ARHGAP40: variants seen among roughly 807,000 people sequenced by gnomAD.
ARHGAP40 encodes rho GTPase-activating protein 40.
Under a neutral mutation model 73.5 loss-of-function variants are expected in ARHGAP40, and 43 were observed. The ratio of observed to expected loss-of-function variants is 0.58; its 90% CI spans 0.46 to 0.75. ARHGAP40 has a LOEUF of 0.75. Ranked by LOEUF, ARHGAP40 falls within the 30% of genes least tolerant of loss-of-function variation. The probability of loss-of-function intolerance (pLI) is 0.00; values close to 1 mark genes in which losing one functional copy is unlikely to be tolerated. For missense variants in ARHGAP40, 734 were observed against 861.8 expected, an observed-to-expected ratio of 0.85 and a Z score of 1.86; for synonymous variants, 300 against 352.8, an observed-to-expected ratio of 0.85 and a Z score of 1.68.
chr20:38,607,688 C>T (rs1227977707), intron 1 of ARHGAP40, among the ~76,000 whole-genome samples: 1 of 152,222 alleles, frequency 6.6e-6, no homozygotes, highest in Non-Finnish European at 1.5e-5. Flanking sequence ...GCGTCACCGA[C>T]TCTTCCCAAA....
rs904847953 is a variant in ARHGAP40 at position 38,627,225 on chromosome 20, A to T, written c.558+10A>T. The T allele has an allele frequency of 7.7e-7, 1 of 1,304,674 alleles. No homozygotes were observed. The highest frequency in any genetic ancestry group is 1.0e-6 in the Non-Finnish European group (1 of 988,384). The allele number at this position is 1,304,674 out of a possible 1,614,324, so 80.8% of individuals were successfully genotyped here. ...GGTCTTCAATTCAGGGGTAAGTGGC[A>T]TATGGGTCATTGCAGGCCCCGTCTG... On this transcript the variant is annotated intron_variant, in intron 3 of 14. Transcript: ENST00000373345.
At chr20:38,649,628 G>A (rs1476451189) in intron 14 of ARHGAP40, 129 bp from the exon 15 acceptor site, 2 of 458,546 alleles carry the variant, frequency 4.4e-6, no homozygotes, top group African/African-American at 2.0e-5. Context: ...AAAAGAAGTA[G>A]CTGTGAGCTG....
In ARHGAP40 at chr20:38,646,222, G is replaced by A. The variant is rs1021533832; in HGVS notation, c.1710+35G>A. The A allele has an allele frequency of 4.7e-6, 6 of 1,268,802 alleles. No homozygotes were observed. Among genetic ancestry groups the A allele is most frequent in the Non-Finnish European group, 6.2e-6 (6 of 966,978 alleles). The allele number at this position is 1,268,802 out of a possible 1,614,324, so 78.6% of individuals were successfully genotyped here. A position where few individuals can be genotyped will look rare whatever the true frequency, so the allele number is the denominator to read the frequency against. On this transcript the variant is annotated intron_variant, in intron 12 of 14. Coordinates refer to ENST00000373345, the Ensembl canonical transcript of ARHGAP40. This position sits in a 1 kb window ranked among gnomAD's most constrained non-coding sequence, Gnocchi z 4.5. Reference sequence around the variant, plus strand: ...CCCGACCCCAGACAGGTGGAGAAGGGCCGAGGCGACAGGAGGGCACCTGGG... The same window carrying A: ...CCCGACCCCAGACAGGTGGAGAAGGACCGAGGCGACAGGAGGGCACCTGGG...
At chr20:38,629,618 G>T (rs1056772309) in exon 5 of ARHGAP40, 11 of 1,305,324 alleles carry the variant, frequency 8.4e-6, no homozygotes, top group Non-Finnish European at 9.1e-6. Flanking sequence ...ATCCCGGGGA[G>T]GCACCTCTGC....
At chr20:38,635,540 C>G (rs34265955) in intron 6 of ARHGAP40, among the ~76,000 whole-genome samples, 36,661 of 151,840 alleles carry the variant, frequency 0.24, 4,700 homozygotes, top group Non-Finnish European at 0.29. Context: ...GTGCACACCT[C>G]TAGTCCCACC....
At chr20:38,618,298 C>T (rs1310138101) in intron 1 of ARHGAP40, among the ~76,000 whole-genome samples, 7 of 151,998 alleles carry the variant, frequency 4.6e-5, no homozygotes, top group South Asian at 2.1e-4. Context: ...ACAAAAGAGA[C>T]GGGGTTCACC....
At chr20:38,647,433 C>G (rs1346295646) in intron 13 of ARHGAP40, among the ~76,000 whole-genome samples, 1 of 152,174 alleles carries the variant, frequency 6.6e-6, no homozygotes, top group Non-Finnish European at 1.5e-5. Context: ...CTCTGTCACC[C>G]AGGCTGGAGT....
chr20:38,646,990 C>T lies in ARHGAP40; in HGVS notation c.1744C>T (p.Pro582Ser), dbSNP rs573275827. ...GGTGGCAAAGATCCAGGTGGTCTGG[C>T]CTATCAAGGACCCCTTGAAGGTGCC... is the stretch of plus-strand genomic sequence containing the variant. Residue 582 changes from proline (P) to serine (S), a missense_variant, in exon 13 of 15, where the codon CCT becomes TCT. Physicochemically the swap from Pro to Ser is moderately conservative, Grantham distance 74. Coordinates refer to ENST00000373345, the Ensembl canonical transcript of ARHGAP40. This position sits in a 1 kb window ranked among gnomAD's most constrained non-coding sequence, Gnocchi z 4.5. 1 of 1,305,410 alleles carries T rather than the reference C, an allele frequency of 7.7e-7. No homozygotes were observed. The highest frequency in any genetic ancestry group is 1.0e-6 in the Non-Finnish European group (1 of 988,992). 80.9% of individuals were successfully genotyped at this position (1,305,410 alleles called of 1,614,324 possible).
At chr20:38,630,301 C>T (rs992343524) in intron 5 of ARHGAP40, among the ~76,000 whole-genome samples, 1 of 151,668 alleles carries the variant, frequency 6.6e-6, no homozygotes, top group African/African-American at 2.4e-5. Flanking sequence ...CTCACTGCAG[C>T]CTCAACCTCC....
chr20:38,645,984 G>A (rs1419013131), intron 11 of ARHGAP40, 63 bp from the exon 12 acceptor site: 18 of 1,235,126 alleles, frequency 1.5e-5, no homozygotes, highest in African/African-American at 9.4e-5. Context: ...ACCCTGGAGA[G>A]GGCTCTGCCT....
At position 38,628,375 on chromosome 20, in the gene ARHGAP40, A is replaced by G. The variant is rs140259160; in HGVS notation, c.559-552A>G. ...GCTAGAGTGCAGTGGCGACATCTCG[A>G]CTCACTGCAAGCTCCGCCTCCCGGG... On this transcript the variant is annotated intron_variant, in intron 3 of 14. Transcript: ENST00000373345. 9.1e-3 allele frequency among the ~76,000 whole-genome samples: 1,374 copies of G among 150,412 alleles called. 23 individuals carry two copies. Among genetic ancestry groups the G allele is most frequent in the African/African-American group, 0.032 (1,297 of 40,852 alleles).
At chr20:38,618,956 A>G (rs1378815755) in intron 1 of ARHGAP40, among the ~76,000 whole-genome samples, 3 of 152,196 alleles carry the variant, frequency 2.0e-5, no homozygotes. Flanking sequence ...CGTGATATCC[A>G]CCACAACTAC....
intron 1 of ARHGAP40, chr20:38,615,130 G>A (rs1462265156): frequency 3.1e-5 from 30 of 967,328 alleles, no homozygotes; most frequent in South Asian, 1.4e-4. Flanking sequence ...ACCAGGGTCC[G>A]GATTTCGTCT....
intron 11 of ARHGAP40, 145 bp downstream of exon 11, chr20:38,644,055 T>G: frequency 3.4e-6 from 2 of 596,118 alleles, no homozygotes; most frequent in Non-Finnish European, 4.8e-6. Context: ...CTGTGTTTTC[T>G]TCCTCCCCCT....
intron 1 of ARHGAP40, among the ~76,000 whole-genome samples, chr20:38,602,800 A>T (rs1440522048): frequency 6.6e-6 from 1 of 152,156 alleles, no homozygotes; most frequent in African/African-American, 2.4e-5. Flanking sequence ...CCCTCAATTA[A>T]TGTTATGGAC....
At chr20:38,615,226 A>T in intron 1 of ARHGAP40, 11 of 776,750 alleles carry the variant, frequency 1.4e-5, no homozygotes, top group Non-Finnish European at 2.6e-5. Context: ...GAGGTAAAAA[A>T]GTTTCTTCCT....
At chr20:38,638,907 G>T (rs2088995114) in intron 8 of ARHGAP40, 69 bp downstream of exon 8, 9 of 1,252,258 alleles carry the variant, frequency 7.2e-6, no homozygotes, top group Non-Finnish European at 9.6e-6. Flanking sequence ...GTTAAGCCGG[G>T]AGGGAAACCA....
At chr20:38,623,284 G>A (rs1286751234) in intron 1 of ARHGAP40, 75 bp from the exon 2 acceptor site, 2 of 1,138,804 alleles carry the variant, frequency 1.8e-6, no homozygotes, top group Admixed American at 3.2e-5. Flanking sequence ...TTTCTGGAGA[G>A]CCACAAGCCT....
At chr20:38,616,978 C>T (rs1412631919) in intron 1 of ARHGAP40, among the ~76,000 whole-genome samples, 1 of 148,008 alleles carries the variant, frequency 6.8e-6, no homozygotes, top group East Asian at 2.0e-4. Flanking sequence ...CGGAGTCTCA[C>T]GCTGTTGCCC....
Sources: allele counts gnomAD v4.1 joint callset (sites outside exome capture counted in the v4.1 genomes callset), GRCh38; gene constraint gnomAD v4.1.1; non-coding constraint Gnocchi (gnomAD v3.1); transcripts MANE v1.5; gene names NCBI Gene and HGNC (gene_info 2026-07-23, HGNC 2026-07-21).